The following BCR variants were observed in gnomAD, a reference collection of about 807,000 sequenced individuals.
BCR encodes the protein BCR activator of RhoGEF and GTPase.
In BCR, 58 loss-of-function variants were observed where a neutral mutation model predicts 138.6. The observed-to-expected ratio is 0.42, with a 90% confidence interval of 0.34 to 0.52. BCR has a LOEUF of 0.52. Among genes scored for constraint, BCR ranks in the 20% least tolerant of loss-of-function variants. The pLI, the probability that BCR is intolerant of heterozygous loss-of-function variation, is 0.06. For missense variants in BCR, 1,599 were observed against 1,727.2 expected (o/e 0.93, Z 1.32); for synonymous variants, 786 against 730.1 (o/e 1.08, Z -1.23).
intron 1 of BCR, among the ~76,000 whole-genome samples, chr22:23,203,384 G>A (rs2072578073): frequency 6.6e-6 from 1 of 152,186 alleles, no homozygotes; most frequent in African/African-American, 2.4e-5. Context: ...TACTGAAGCA[G>A]TTCCATCAGG....
intron 16 of BCR, among the ~76,000 whole-genome samples, chr22:23,295,869 G>T (rs1465875992): frequency 1.3e-5 from 2 of 152,168 alleles, no homozygotes; most frequent in Non-Finnish European, 2.9e-5. Context: ...TTGCGCGGGG[G>T]TAGCTGAGAG....
chr22:23,295,136 T>C lies in BCR; in HGVS notation c.2993T>C (p.Met998Thr). ...GACGGCGAGAGCACGGACAGACTCA[T>C]GGGGAAGGGCCAGGTCCAGGTGAGG... is the stretch of plus-strand genomic sequence containing the variant. The part of the protein sequence containing the change: ...KEDGESTDRL[M>T]GKGQVQLDPQ... The change falls in exon 16 of 23, where the codon ATG (methionine) becomes ACG (threonine). Residue 998 changes from methionine (M) to threonine (T), a missense_variant. Met to Thr is a moderately conservative substitution (Grantham distance 81). Around this residue, in one of 4 missense-constraint regions of BCR, gnomAD observed 590 missense variants for 762.4 expected, o/e 0.77. Coordinates refer to ENST00000305877, the MANE Select transcript of BCR (RefSeq NM_004327.4). The C allele has an allele frequency of 6.2e-7, 1 of 1,613,450 alleles. No individual in the cohort carries two copies. Among genetic ancestry groups the C allele is most frequent in the Non-Finnish European group, 8.5e-7 (1 of 1,179,678 alleles).
At chr22:23,243,541 C>T (rs1004339285) in intron 1 of BCR, among the ~76,000 whole-genome samples, 2 of 152,132 alleles carry the variant, frequency 1.3e-5, no homozygotes, top group Admixed American at 1.3e-4. Flanking sequence ...CAATACACAC[C>T]CTGTTACCCA....
chr22:23,186,692 G>A (rs910963453), intron 1 of BCR, among the ~76,000 whole-genome samples: 1 of 152,106 alleles, frequency 6.6e-6, no homozygotes, highest in South Asian at 2.1e-4. Context: ...TGTTACCAAT[G>A]TTCATCCATG....
At chr22:23,289,922 C>T in intron 13 of BCR, 3 of 521,936 alleles carry the variant, frequency 5.7e-6, no homozygotes, top group Non-Finnish European at 1.0e-5. Context: ...GGCCCCACTC[C>T]CGTCCTCCCA....
intron 4 of BCR, chr22:23,263,389 T>G: frequency 8.0e-7 from 1 of 1,247,238 alleles, no homozygotes. Context: ...GGCACCAACC[T>G]GATGACCAGT....
rs1486957703 is a variant in BCR at position 23,181,200 on chromosome 22, G to A, written c.240G>A (p.Ala80=). 1.2e-5 allele frequency: 15 copies of A among 1,292,396 alleles called. No individual in the cohort carries two copies. Among genetic ancestry groups the A allele is most frequent in the African/African-American group, 1.5e-5 (1 of 64,778 alleles). The allele number at this position is 1,292,396 out of a possible 1,614,324, so 80.1% of individuals were successfully genotyped here. A position where few individuals can be genotyped will look rare whatever the true frequency, so the allele number is the denominator to read the frequency against. Residue 80 remains alanine, a synonymous_variant, in exon 1 of 23, where the codon GCG becomes GCA. Coordinates refer to ENST00000305877, the MANE Select transcript of BCR (RefSeq NM_004327.4). The part of the protein sequence containing the change: ...YDRQRWGFRR[A]AQAPDGASEP... ...GGCAGCGATGGGGCTTCCGGCGCGC[G>A]GCGCAGGCCCCCGACGGCGCCTCCG... is the stretch of plus-strand genomic sequence containing the variant.
intron 1 of BCR, among the ~76,000 whole-genome samples, chr22:23,221,715 C>T (rs1417492921): frequency 4.6e-5 from 7 of 152,128 alleles, no homozygotes; most frequent in Admixed American, 1.3e-4. Context: ...TTTGTTTTCC[C>T]GCCAGGCTCA....
chr22:23,278,256 C>A (rs949911158), intron 8 of BCR, among the ~76,000 whole-genome samples: 1 of 152,196 alleles, frequency 6.6e-6, no homozygotes, highest in Admixed American at 6.5e-5. Context: ...ACCTCCAATA[C>A]CCGTTCTCTG....
At chr22:23,264,022 A>T in intron 4 of BCR, 1 of 913,608 alleles carries the variant, frequency 1.1e-6, no homozygotes, top group Middle Eastern at 2.1e-4. Context: ...GATGTCATAT[A>T]TGAGTCCCCT....
chr22:23,224,058 G>A (rs967902515), intron 1 of BCR, among the ~76,000 whole-genome samples: 1 of 152,142 alleles, frequency 6.6e-6, no homozygotes, highest in Non-Finnish European at 1.5e-5. Context: ...TGGTCTAAAG[G>A]AAGCTGGTGC....
rs1327965885 is a variant in BCR at position 23,263,418 on chromosome 22, C to T, written c.1752+1878C>T. 3.1e-6 allele frequency: 4 copies of T among 1,306,796 alleles called. No homozygotes were observed. The East Asian group carries it at 9.2e-5, about 30-fold the overall frequency. The allele number at this position is 1,306,796 out of a possible 1,614,324, so 81.0% of individuals were successfully genotyped here. A position where few individuals can be genotyped will look rare whatever the true frequency, so the allele number is the denominator to read the frequency against. On this transcript the variant is annotated intron_variant, in intron 4 of 22. Transcript: ENST00000305877. ...GACCAGTGTCCCAGTGAAGGTGTCTCAGAACTGGATAGTGGGGTGCTGCCG... is the reference window on the plus strand; with the variant it reads ...GACCAGTGTCCCAGTGAAGGTGTCTTAGAACTGGATAGTGGGGTGCTGCCG...
chr22:23,182,113 A>G lies in BCR; in HGVS notation c.1153A>G (p.Thr385Ala), dbSNP rs763492884. ...GTCCTTCGACAGCAGCAGTCCCCCCACGCCGCAGTGCCATAAGCGGCACCG... is the reference window on the plus strand; with the variant it reads ...GTCCTTCGACAGCAGCAGTCCCCCCGCGCCGCAGTGCCATAAGCGGCACCG... ...QQSFDSSSPPTPQCHKRHRHC... is the reference protein window; with the variant it reads ...QQSFDSSSPPAPQCHKRHRHC... The change falls in exon 1 of 23, where the codon ACG (threonine) becomes GCG (alanine). Residue 385 changes from threonine (T) to alanine (A), a missense_variant. Physicochemically the swap from Thr to Ala is moderately conservative, Grantham distance 58. This residue lies in a region of BCR where 806 missense variants were observed against 635.0 expected (regional missense o/e 1.27). Transcript: ENST00000305877. 8 of 1,611,808 alleles carry G rather than the reference A, an allele frequency of 5.0e-6. No homozygotes were observed.
At chr22:23,216,078 C>T (rs1290976598) in intron 1 of BCR, among the ~76,000 whole-genome samples, 1 of 152,156 alleles carries the variant, frequency 6.6e-6, no homozygotes, top group Non-Finnish European at 1.5e-5. Flanking sequence ...GCTGTGGGCA[C>T]GTTTTATGGA....
chr22:23,201,493 T>TG (rs1359051376), intron 1 of BCR, among the ~76,000 whole-genome samples: 1 of 152,254 alleles, frequency 6.6e-6, no homozygotes, highest in South Asian at 2.1e-4. Flanking sequence ...AGTCTTGCTC[T>TG]GTTCCCCAGG....
chr22:23,180,990 G>T lies in BCR; in HGVS notation c.30G>T (p.Ala10=). 6.9e-7 allele frequency: 1 copy of T among 1,443,366 alleles called. No individual in the cohort carries two copies. The allele number at this position is 1,443,366 out of a possible 1,614,324, so 89.4% of individuals were successfully genotyped here. A position where few individuals can be genotyped will look rare whatever the true frequency, so the allele number is the denominator to read the frequency against. MVDPVGFAE[A]WKAQFPDSEP... ...TGGACCCGGTGGGCTTCGCGGAGGC[G>T]TGGAAGGCGCAGTTCCCGGACTCAG... The change falls in exon 1 of 23, where the codon GCG becomes GCT. Residue 10 remains alanine, a synonymous_variant. Transcript: ENST00000305877.
intron 16 of BCR, among the ~76,000 whole-genome samples, chr22:23,299,146 G>A (rs935388433): frequency 2.0e-5 from 3 of 151,532 alleles, no homozygotes; most frequent in Non-Finnish European, 2.9e-5. Context: ...ACAGGCGCCC[G>A]CCACCACACC....
intron 6 of BCR, among the ~76,000 whole-genome samples, chr22:23,272,370 G>A (rs1229985206): frequency 6.6e-6 from 1 of 152,182 alleles, no homozygotes; most frequent in Non-Finnish European, 1.5e-5. Flanking sequence ...TGAAAATAGC[G>A]ATGAGTGCCT....
chr22:23,280,992 CAGTG>C (rs1779257699), intron 8 of BCR, among the ~76,000 whole-genome samples: 2 of 152,360 alleles, frequency 1.3e-5, no homozygotes, highest in South Asian at 4.1e-4. Flanking sequence ...GAGATGCACA[CAGTG>C]AGACACACGG....
Sources: allele counts gnomAD v4.1 joint callset (sites outside exome capture counted in the v4.1 genomes callset), GRCh38; gene constraint gnomAD v4.1.1; regional missense constraint gnomAD v4.1.1; transcripts MANE v1.5; gene names NCBI Gene and HGNC (gene_info 2026-07-23, HGNC 2026-07-21).